The following CTNNA3 variants were observed in gnomAD, a reference collection of about 807,000 sequenced individuals.
CTNNA3 encodes catenin alpha-3.
A neutral mutation model predicts 95.7 loss-of-function variants in CTNNA3; 76 were observed. That is an observed-to-expected ratio of 0.79 (90% CI 0.66 to 0.96). The LOEUF (loss-of-function observed/expected upper bound fraction) is 0.96, where lower values mean the gene tolerates loss of function less well. Ranked by LOEUF, CTNNA3 falls within the 40% of genes least tolerant of loss-of-function variation. The pLI is 0.00. For synonymous variants in CTNNA3, 431 were observed against 374.4 expected (o/e 1.15, Z -1.74); for missense variants, 1,191 against 1,089.8 (o/e 1.09, Z -1.31).
At position 67,751,139 on chromosome 10, in the gene CTNNA3, G is replaced by A. The variant is rs538134374; in HGVS notation, c.-2+12295C>T. Reference sequence around the variant, plus strand: ...ACTTTACATTGAATGATGAGGAGATGGCAACCACACTCAGCTTCAACAGAA... The same window carrying A: ...ACTTTACATTGAATGATGAGGAGATAGCAACCACACTCAGCTTCAACAGAA... On this transcript the variant is annotated intron_variant, in intron 1 of 17. Coordinates refer to the CTNNA3 transcript ENST00000684154. 1.0e-4 allele frequency: 133 copies of A among 1,327,054 alleles called. No individual in the cohort carries two copies. In the African/African-American group the frequency reaches 1.8e-3, roughly 18 times the overall value. 82.2% of individuals were successfully genotyped at this position (1,327,054 alleles called of 1,614,324 possible).
At chr10:66,520,799 T>C in intron 10 of CTNNA3, 26 bp from the exon 11 acceptor site, 1 of 1,593,534 alleles carries the variant, frequency 6.3e-7, no homozygotes, top group Non-Finnish European at 8.6e-7. Context: ...TTGAAAAAAT[T>C]ACCTATTGGT....
intron 4 of CTNNA3, among the ~76,000 whole-genome samples, chr10:67,536,390 C>A (rs1840487222): frequency 6.6e-6 from 1 of 152,114 alleles, no homozygotes; most frequent in Non-Finnish European, 1.5e-5. Context: ...CCAAAATCAG[C>A]TTCACTGTCT....
At chr10:66,566,481 G>A (rs12248906) in intron 10 of CTNNA3, among the ~76,000 whole-genome samples, 3,435 of 152,264 alleles carry the variant, frequency 0.023, 122 homozygotes, top group African/African-American at 0.079. Context: ...AAATAATCAC[G>A]TCTGAAGTAT....
intron 7 of CTNNA3, among the ~76,000 whole-genome samples, chr10:67,166,370 T>G (rs1331216792): frequency 1.3e-5 from 2 of 152,224 alleles, no homozygotes; most frequent in African/African-American, 4.8e-5. Context: ...CTTGGTTTTT[T>G]TTCACACTGG....
intron 10 of CTNNA3, among the ~76,000 whole-genome samples, chr10:66,571,364 A>T (rs1054995964): frequency 3.3e-5 from 5 of 152,176 alleles, no homozygotes; most frequent in African/African-American, 1.2e-4. Flanking sequence ...GTTGCATTTC[A>T]AGCTAAACCC....
intron 3 of CTNNA3, 94 bp downstream of exon 3, chr10:67,606,763 G>A (rs896391625): frequency 3.0e-6 from 3 of 1,009,734 alleles, no homozygotes; most frequent in Non-Finnish European, 2.9e-6. Context: ...TAAAAAACTG[G>A]AGCCAACAAA....
chr10:67,447,937 G>A (rs541966782), intron 5 of CTNNA3, among the ~76,000 whole-genome samples: 176 of 152,300 alleles, frequency 1.2e-3, no homozygotes, highest in Non-Finnish European at 2.0e-3. Flanking sequence ...AAGCAAAAGA[G>A]ATTCAAATAA....
At chr10:66,336,461 C>A (rs4592316) in intron 12 of CTNNA3, among the ~76,000 whole-genome samples, 97,485 of 151,868 alleles carry the variant, frequency 0.64, 33,663 homozygotes, top group Non-Finnish European at 0.77. Flanking sequence ...ACTTTGGAAT[C>A]TTTGCTTATG....
chr10:67,622,269 T>C (rs1843871519), intron 2 of CTNNA3, among the ~76,000 whole-genome samples: 1 of 152,212 alleles, frequency 6.6e-6, no homozygotes, highest in African/African-American at 2.4e-5. Context: ...GGCTTATCAG[T>C]CTGCATCACC....
intron 5 of CTNNA3, among the ~76,000 whole-genome samples, chr10:67,445,196 C>G (rs1004591149): frequency 6.7e-6 from 1 of 150,364 alleles, no homozygotes. Flanking sequence ...AAAAAACATA[C>G]AACAAATACA....
chr10:66,258,445 A>C (rs2090874376), intron 13 of CTNNA3, among the ~76,000 whole-genome samples: 1 of 152,184 alleles, frequency 6.6e-6, no homozygotes, highest in South Asian at 2.1e-4. Context: ...CCTTTGGATT[A>C]AAAGGAAAAC....
chr10:66,483,225 T>C (rs1839603533), intron 11 of CTNNA3, among the ~76,000 whole-genome samples: 1 of 152,222 alleles, frequency 6.6e-6, no homozygotes, highest in Non-Finnish European at 1.5e-5. Context: ...TTAATTAATA[T>C]TTTGGAGAAG....
chr10:67,498,662 T>A (rs1839118907), intron 5 of CTNNA3, among the ~76,000 whole-genome samples: 1 of 152,144 alleles, frequency 6.6e-6, no homozygotes, highest in Admixed American at 6.5e-5. Context: ...CCCTTGTAAG[T>A]TTTATTCCTA....
chr10:66,618,375 G>T (rs1844606223), intron 10 of CTNNA3, among the ~76,000 whole-genome samples: 1 of 151,958 alleles, frequency 6.6e-6, no homozygotes, highest in African/African-American at 2.4e-5. Flanking sequence ...ATAGATCAAT[G>T]GAACAGAACA....
intron 7 of CTNNA3, among the ~76,000 whole-genome samples, chr10:66,780,406 TA>T (rs11320729): frequency 0.65 from 97,862 of 151,356 alleles, 31,818 homozygotes; most frequent in East Asian, 0.77. Flanking sequence ...GACTCTATAA[TA>T]GAGTAACCTG....
At chr10:67,719,639 A>G (rs1028248316) in intron 1 of CTNNA3, among the ~76,000 whole-genome samples, 3 of 151,874 alleles carry the variant, frequency 2.0e-5, no homozygotes, top group Admixed American at 6.6e-5. Context: ...CTGAGTTCTA[A>G]TTTGATTGCA....
intron 7 of CTNNA3, among the ~76,000 whole-genome samples, chr10:67,066,487 G>C (rs905977973): frequency 5.3e-5 from 8 of 150,172 alleles, no homozygotes; most frequent in African/African-American, 1.7e-4. Flanking sequence ...CACCGCACCT[G>C]GCCAAGTCCC....
chr10:65,948,662 T>C (rs928698752), intron 17 of CTNNA3, among the ~76,000 whole-genome samples: 1 of 152,218 alleles, frequency 6.6e-6, no homozygotes, highest in African/African-American at 2.4e-5. Context: ...CTTCAGGTTT[T>C]ATTGAGGGTC....
chr10:66,551,603 C>T (rs1337887810), intron 10 of CTNNA3, among the ~76,000 whole-genome samples: 2 of 151,980 alleles, frequency 1.3e-5, no homozygotes, highest in Non-Finnish European at 2.9e-5. Flanking sequence ...TTGATATTGT[C>T]TTATAAATTA....
Sources: allele counts gnomAD v4.1 joint callset (sites outside exome capture counted in the v4.1 genomes callset), GRCh38; gene constraint gnomAD v4.1.1; transcripts MANE v1.5; gene names NCBI Gene and HGNC (gene_info 2026-07-23, HGNC 2026-07-21).